Variants in CCSER1 observed in about 807,000 individuals in gnomAD.
CCSER1 encodes coiled-coil serine rich protein 1.
CCSER1 carries 41 observed loss-of-function variants against 82.0 expected under a neutral mutation model. That is an observed-to-expected ratio of 0.50 (90% CI 0.39 to 0.65). The LOEUF (loss-of-function observed/expected upper bound fraction) is 0.65, where lower values mean the gene tolerates loss of function less well. Ranked by LOEUF, CCSER1 falls within the 30% of genes least tolerant of loss-of-function variation. The pLI is 0.00. For synonymous variants in CCSER1, 414 were observed against 383.9 expected (o/e 1.08, Z -0.92); for missense variants, 1,119 against 1,064.2 (o/e 1.05, Z -0.72).
At chr4:91,190,587 A>G (rs1734916760) in intron 10 of CCSER1, among the ~76,000 whole-genome samples, 1 of 152,198 alleles carries the variant, frequency 6.6e-6, no homozygotes, top group Admixed American at 6.5e-5. Flanking sequence ...TTAAAAAAGA[A>G]TCAAATTTGG....
intron 10 of CCSER1, among the ~76,000 whole-genome samples, chr4:91,162,416 C>T (rs755787216): frequency 6.6e-6 from 1 of 152,140 alleles, no homozygotes; most frequent in African/African-American, 2.4e-5. Context: ...CTCTGTCAGG[C>T]TTTGGTATCA....
At chr4:90,930,464 G>T (rs1260511491) in intron 9 of CCSER1, among the ~76,000 whole-genome samples, 1 of 151,852 alleles carries the variant, frequency 6.6e-6, no homozygotes, top group Admixed American at 6.6e-5. Context: ...AATTAGCCAG[G>T]CGTAGGTGGT....
intron 10 of CCSER1, among the ~76,000 whole-genome samples, chr4:91,211,207 G>A (rs1293894033): frequency 6.6e-6 from 1 of 152,004 alleles, no homozygotes; most frequent in Non-Finnish European, 1.5e-5. Context: ...AGATGCCATA[G>A]CAATAATTCA....
Position 90,309,527 on chromosome 4 carries a change from G to C in CCSER1, c.1243G>C (p.Asp415His). The change falls in exon 2 of 11, where the codon GAT (aspartate) becomes CAT (histidine). Residue 415 changes from aspartate (D) to histidine (H), a missense_variant. Transcript: ENST00000509176. ...TGTAAAAGGGATCCATCCTATTTCAGATTCAAAGATAATACCTACTTCTGG... is the reference window on the plus strand; with the variant it reads ...TGTAAAAGGGATCCATCCTATTTCACATTCAAAGATAATACCTACTTCTGG... ...EHVKGIHPIS[D>H]SKIIPTSGDH... 6.2e-7 allele frequency: 1 copy of C among 1,612,876 alleles called. No individual in the cohort carries two copies. The highest frequency in any genetic ancestry group is 8.5e-7 in the Non-Finnish European group (1 of 1,179,452).
At chr4:90,574,386 A>T (rs993033414) in intron 5 of CCSER1, among the ~76,000 whole-genome samples, 7 of 147,876 alleles carry the variant, frequency 4.7e-5, no homozygotes, top group Non-Finnish European at 8.9e-5. Context: ...CTCCTGCCTC[A>T]GCCTCCCAAG....
chr4:90,209,735 G>A (rs972801878), intron 1 of CCSER1, among the ~76,000 whole-genome samples: 1 of 149,784 alleles, frequency 6.7e-6, no homozygotes, highest in African/African-American at 2.5e-5. Context: ...AAATTTCTCT[G>A]AGTGACCAAG....
chr4:90,364,916 G>C (rs968916474), intron 3 of CCSER1, among the ~76,000 whole-genome samples: 20 of 151,398 alleles, frequency 1.3e-4, no homozygotes, highest in African/African-American at 4.4e-4. Context: ...TCCATACAAT[G>C]ACTGAACATT....
intron 4 of CCSER1, among the ~76,000 whole-genome samples, chr4:90,423,426 A>T (rs1329693338): frequency 6.6e-6 from 1 of 151,890 alleles, no homozygotes; most frequent in African/African-American, 2.4e-5. Context: ...GGGTTTCACC[A>T]TGTTGGCCAG....
chr4:90,786,314 AGTT>A (rs1420795691), intron 7 of CCSER1, among the ~76,000 whole-genome samples: 1 of 152,198 alleles, frequency 6.6e-6, no homozygotes, highest in Non-Finnish European at 1.5e-5. Flanking sequence ...GAAGATCTTC[AGTT>A]GTTGTGAATT....
chr4:91,533,224 T>A (rs1240334445), intron 10 of CCSER1, among the ~76,000 whole-genome samples: 1 of 152,210 alleles, frequency 6.6e-6, no homozygotes, highest in Non-Finnish European at 1.5e-5. Context: ...TTATTTCAAC[T>A]TTTCACCTAA....
chr4:90,535,449 G>T (rs1421965063), intron 5 of CCSER1, among the ~76,000 whole-genome samples: 1 of 151,950 alleles, frequency 6.6e-6, no homozygotes, highest in African/African-American at 2.4e-5. Flanking sequence ...CAAAGAAAAA[G>T]GAATCATTTT....
At chr4:90,245,034 T>C (rs1721170195) in intron 1 of CCSER1, among the ~76,000 whole-genome samples, 1 of 152,122 alleles carries the variant, frequency 6.6e-6, no homozygotes, top group Admixed American at 6.6e-5. Flanking sequence ...TCATGTAAGG[T>C]TTTTATGAGG....
chr4:90,426,932 T>C (rs896002212), intron 4 of CCSER1, among the ~76,000 whole-genome samples: 4 of 152,142 alleles, frequency 2.6e-5, no homozygotes, highest in Non-Finnish European at 4.4e-5. Flanking sequence ...ACAAAACTTC[T>C]AGATGATTCT....
At chr4:91,097,587 A>G (rs950149181) in intron 10 of CCSER1, among the ~76,000 whole-genome samples, 3 of 152,366 alleles carry the variant, frequency 2.0e-5, no homozygotes, top group Non-Finnish European at 1.5e-5. Context: ...TAAACATCAG[A>G]AAGAGAATTA....
intron 3 of CCSER1, among the ~76,000 whole-genome samples, chr4:90,347,223 G>A (rs1579309432): frequency 6.6e-6 from 1 of 152,090 alleles, no homozygotes; most frequent in East Asian, 1.9e-4. Flanking sequence ...TTGTTTATCA[G>A]GCTGCCAATT....
chr4:90,833,037 T>TA, intron 8 of CCSER1, among the ~76,000 whole-genome samples: 1 of 152,330 alleles, frequency 6.6e-6, no homozygotes, highest in East Asian at 1.9e-4. Flanking sequence ...CTAATGGGCT[T>TA]ATCCTAATTT....
chr4:91,244,432 G>A (rs1395898328), intron 10 of CCSER1, among the ~76,000 whole-genome samples: 2 of 152,118 alleles, frequency 1.3e-5, no homozygotes, highest in African/African-American at 4.8e-5. Flanking sequence ...TGGTCACAGG[G>A]GTGCTTGCAT....
chr4:90,459,462 G>T (rs1373329369), intron 4 of CCSER1, among the ~76,000 whole-genome samples: 1 of 152,048 alleles, frequency 6.6e-6, no homozygotes, highest in Non-Finnish European at 1.5e-5. Flanking sequence ...TTATTGTCTT[G>T]GTGGCTTAAA....
intron 10 of CCSER1, among the ~76,000 whole-genome samples, chr4:91,269,561 A>G (rs1741865544): frequency 6.6e-6 from 1 of 152,240 alleles, no homozygotes. Flanking sequence ...TTAAAATTTT[A>G]TCATTCTACA....
Sources: allele counts gnomAD v4.1 joint callset (sites outside exome capture counted in the v4.1 genomes callset), GRCh38; gene constraint gnomAD v4.1.1; transcripts MANE v1.5; gene names NCBI Gene and HGNC (gene_info 2026-07-23, HGNC 2026-07-21).